The following FILIP1L variants were observed in gnomAD, a reference collection of about 807,000 sequenced individuals.
FILIP1L encodes the protein filamin A-interacting protein 1-like.
Under a neutral mutation model 96.6 loss-of-function variants are expected in FILIP1L, and 55 were observed. The ratio of observed to expected loss-of-function variants is 0.57; its 90% confidence interval spans 0.46 to 0.71. The LOEUF is 0.71. FILIP1L is among the 30% of genes least tolerant of loss of function. The probability of loss-of-function intolerance (pLI) is 0.00; values close to 1 mark genes in which losing one functional copy is unlikely to be tolerated. For synonymous variants in FILIP1L, 467 were observed against 473.9 expected (o/e 0.99, Z 0.19); for missense variants, 1,304 against 1,321.2 (o/e 0.99, Z 0.20).
At chr3:100,006,830 G>A (rs754045481) in intron 1 of FILIP1L, among the ~76,000 whole-genome samples, 52 of 152,316 alleles carry the variant, frequency 3.4e-4, no homozygotes, top group Admixed American at 5.9e-4. Flanking sequence ...TTGATGGGTA[G>A]AACTGTGCAT....
At chr3:99,833,068 CAG>C in intron 5 of FILIP1L, 2 of 649,102 alleles carry the variant, frequency 3.1e-6, no homozygotes, top group Non-Finnish European at 5.5e-6. Context: ...ATGTTCTACT[CAG>C]AGTTGGAGGC....
chr3:99,850,572 GAT>G lies in FILIP1L; in HGVS notation c.1102_1103del (p.Ile368HisfsTer3). 6.2e-7 allele frequency: 1 copy of G among 1,613,718 alleles called. No individual in the cohort carries two copies. The highest frequency in any genetic ancestry group is 8.5e-7 in the Non-Finnish European group (1 of 1,180,002). On this transcript the variant is annotated frameshift_variant, in exon 5 of 6. Transcript: ENST00000477258. LOFTEE classifies it high-confidence loss of function. ...ISKGEYGNAG[I>X]MAEVEELRKR... is the part of the protein sequence containing the mutation. ...TCCTGAGCTCTTCCACTTCAGCCAT[GAT>G]ACCAGCGTTTCCATATTCTCCCTTA...
chr3:99,837,963 G>A (rs1034393916), intron 5 of FILIP1L, among the ~76,000 whole-genome samples: 1 of 152,188 alleles, frequency 6.6e-6, no homozygotes, highest in African/African-American at 2.4e-5. Flanking sequence ...AAGCTCAGAT[G>A]TGCATGGTTG....
At chr3:100,064,911 C>T (rs1244224532) in intron 1 of FILIP1L, among the ~76,000 whole-genome samples, 2 of 152,158 alleles carry the variant, frequency 1.3e-5, no homozygotes, top group Non-Finnish European at 2.9e-5. Context: ...GGGGGACTAA[C>T]AAACATGTAT....
chr3:100,084,916 G>A (rs1222244546), intron 1 of FILIP1L, among the ~76,000 whole-genome samples: 1 of 152,226 alleles, frequency 6.6e-6, no homozygotes, highest in Non-Finnish European at 1.5e-5. Context: ...TAGCCACTAT[G>A]TAAAGGTAAT....
intron 4 of FILIP1L, among the ~76,000 whole-genome samples, chr3:99,901,776 A>C (rs1212113899): frequency 6.6e-6 from 1 of 152,120 alleles, no homozygotes; most frequent in African/African-American, 2.4e-5. Context: ...TATCTTGTTG[A>C]TAAATAGCAC....
intron 2 of FILIP1L, among the ~76,000 whole-genome samples, 166 bp downstream of exon 2, chr3:99,930,603 C>A (rs1576580920): frequency 6.6e-6 from 1 of 152,142 alleles, no homozygotes; most frequent in Non-Finnish European, 1.5e-5. Flanking sequence ...GGATTAATTG[C>A]ACTTTGAGTT....
intron 4 of FILIP1L, among the ~76,000 whole-genome samples, chr3:99,904,614 TTTTG>T (rs749601032): frequency 1.4e-4 from 21 of 152,318 alleles, no homozygotes; most frequent in Non-Finnish European, 2.2e-4. Flanking sequence ...TTTTTTGTTT[TTTTG>T]TTTGTTTGTT....
chr3:99,870,934 T>C (rs1389573776), intron 4 of FILIP1L, among the ~76,000 whole-genome samples: 1 of 152,138 alleles, frequency 6.6e-6, no homozygotes, highest in East Asian at 1.9e-4. Flanking sequence ...CACTGCACTG[T>C]GTTCTTCCAT....
In FILIP1L at chr3:99,850,625, G is replaced by A. The variant is rs1246164657; in HGVS notation, c.1051C>T (p.Leu351=). ...NRSLRKAEEE[L]QDIKEKISKG... ...CTGATTTTTTCTTTTATATCTTGCAGCTCCTCTTCTGCTTTTCGTAAAGAC... is the reference window on the plus strand; with the variant it reads ...CTGATTTTTTCTTTTATATCTTGCAACTCCTCTTCTGCTTTTCGTAAAGAC... Residue 351 remains leucine (L), a synonymous_variant, in exon 5 of 6, where the codon CTG becomes TTG. Transcript: ENST00000477258. 1 of 1,613,780 alleles carries A rather than the reference G, an allele frequency of 6.2e-7. No individual in the cohort carries two copies. Among genetic ancestry groups the A allele is most frequent in the Non-Finnish European group, 8.5e-7 (1 of 1,179,998 alleles).
intron 4 of FILIP1L, among the ~76,000 whole-genome samples, chr3:99,861,989 A>G (rs1032713490): frequency 2.6e-5 from 4 of 152,236 alleles, no homozygotes; most frequent in African/African-American, 4.8e-5. Flanking sequence ...AAAACAATCC[A>G]TACAAAAAGT....
At chr3:99,960,309 T>C (rs1021989563) in intron 1 of FILIP1L, among the ~76,000 whole-genome samples, 5 of 152,166 alleles carry the variant, frequency 3.3e-5, no homozygotes, top group Middle Eastern at 3.2e-3. Context: ...GATCCCCATT[T>C]TACAGATGAG....
At chr3:100,012,585 G>A (rs1316216810) in intron 1 of FILIP1L, among the ~76,000 whole-genome samples, 1 of 151,966 alleles carries the variant, frequency 6.6e-6, no homozygotes, top group East Asian at 1.9e-4. Context: ...TAGTGCTTCA[G>A]GAGGATTTCA....
At chr3:100,048,761 A>G (rs532633349) in intron 1 of FILIP1L, among the ~76,000 whole-genome samples, 1 of 152,296 alleles carries the variant, frequency 6.6e-6, no homozygotes, top group Non-Finnish European at 1.5e-5. Flanking sequence ...CTGGGATTCC[A>G]GATTTTCCTA....
intron 4 of FILIP1L, among the ~76,000 whole-genome samples, chr3:99,887,039 A>C (rs563786644): frequency 6.6e-6 from 1 of 151,962 alleles, no homozygotes; most frequent in Non-Finnish European, 1.5e-5. Context: ...TGAGAGGCTG[A>C]GGTGGGTGGA....
chr3:99,943,486 C>T (rs2107679168), intron 1 of FILIP1L, among the ~76,000 whole-genome samples: 2 of 152,264 alleles, frequency 1.3e-5, no homozygotes, highest in Admixed American at 1.3e-4. Context: ...GGTGGATCAT[C>T]TGAGGTCAGG....
intron 4 of FILIP1L, among the ~76,000 whole-genome samples, chr3:99,880,068 A>G (rs993829765): frequency 5.3e-5 from 8 of 151,952 alleles, no homozygotes; most frequent in Admixed American, 1.3e-4. Context: ...CTGTGCTTCT[A>G]CTCTCCGATC....
At chr3:99,877,478 A>G (rs1705573840) in intron 4 of FILIP1L, among the ~76,000 whole-genome samples, 1 of 152,214 alleles carries the variant, frequency 6.6e-6, no homozygotes, top group African/African-American at 2.4e-5. Flanking sequence ...AGTTCACTTT[A>G]TCATTATTCT....
intron 1 of FILIP1L, among the ~76,000 whole-genome samples, chr3:100,057,082 C>T (rs989044989): frequency 2.6e-5 from 4 of 152,142 alleles, no homozygotes; most frequent in African/African-American, 9.7e-5. Flanking sequence ...TTGGCAGGCT[C>T]AGGGCAGGAG....
Sources: gnomAD v4.1 joint callset for allele counts (sites outside exome capture counted in the v4.1 genomes callset) on GRCh38, gnomAD v4.1.1 for gene constraint, MANE v1.5 for transcripts, NCBI Gene and HGNC (gene_info 2026-07-23, HGNC 2026-07-21) for gene names.